Variants in TRIM67 observed in about 807,000 individuals in gnomAD.
TRIM67 encodes tripartite motif containing 67, also known as tripartite motif-containing protein 67.
Under a neutral mutation model 71.0 loss-of-function variants are expected in TRIM67, and 39 were observed. The observed-to-expected ratio is 0.55, with a 90% CI of 0.43 to 0.72. TRIM67 has a LOEUF of 0.72. Ranked by LOEUF, TRIM67 falls within the 30% of genes least tolerant of loss-of-function variation. The probability of loss-of-function intolerance (pLI) is 0.00; values close to 1 mark genes in which losing one functional copy is unlikely to be tolerated. For synonymous variants in TRIM67, 481 were observed against 473.9 expected (o/e 1.01, Z -0.19); for missense variants, 973 against 1,079.2 (o/e 0.90, Z 1.38).
rs1683792287 is a variant in TRIM67 at position 231,209,085 on chromosome 1, G to A, written c.1958G>A (p.Trp653Ter). ...TAAFSKGVHY[W>*]ELHVDRYDNH... is the part of the protein sequence containing the mutation. ...GCGTTCTCCAAGGGCGTGCACTACTGGGAGCTGCACGTGGACCGGTACGAC... is the reference window on the plus strand; with the variant it reads ...GCGTTCTCCAAGGGCGTGCACTACTAGGAGCTGCACGTGGACCGGTACGAC... The change falls in exon 8 of 10, where the codon TGG becomes TAG. Residue 653 changes from tryptophan (W) to a stop codon, truncating the protein, a stop_gained. Transcript: ENST00000366653. LOFTEE classifies it high-confidence loss of function. The surrounding 1 kb of genome is among the most constrained non-coding windows in gnomAD (Gnocchi z 4.1). 1 of 1,614,006 alleles carries A rather than the reference G, an allele frequency of 6.2e-7. No individual in the cohort carries two copies. The highest frequency in any genetic ancestry group is 8.5e-7 in the Non-Finnish European group (1 of 1,179,884).
At chr1:231,183,492 C>T (rs535699292) in intron 1 of TRIM67, among the ~76,000 whole-genome samples, 1 of 152,218 alleles carries the variant, frequency 6.6e-6, no homozygotes, top group Non-Finnish European at 1.5e-5. Context: ...ACGTGCCCAA[C>T]ATCCTAGTTA....
At chr1:231,187,195 A>C (rs1266616733) in intron 1 of TRIM67, among the ~76,000 whole-genome samples, 4 of 152,152 alleles carry the variant, frequency 2.6e-5, no homozygotes, top group African/African-American at 9.7e-5. Flanking sequence ...TTTAAGCAAC[A>C]AGGGGCAAGA....
chr1:231,167,319 C>CTTTTTTTTTTTTTT (rs1159766852), intron 1 of TRIM67, among the ~76,000 whole-genome samples: 12 of 51,842 alleles, frequency 2.3e-4, no homozygotes, highest in Non-Finnish European at 3.7e-4. Flanking sequence ...ACTCTAATGT[C>CTTTTTTTTTTTTTT]TTTTTTTTTT....
In TRIM67 at chr1:231,221,549, A is replaced by T. The variant is rs1684137795; in HGVS notation, c.*6109A>T. 6.6e-6 allele frequency: 1 copy of T among 152,640 alleles called. No individual in the cohort carries two copies. 9.5% of individuals were successfully genotyped at this position (152,640 alleles called of 1,614,324 possible). Reference sequence around the variant, plus strand: ...CAGATTTGAAATAAATTCTTTTGACACTGCCAACAACAGAAAGACAAGATG... The same window carrying T: ...CAGATTTGAAATAAATTCTTTTGACTCTGCCAACAACAGAAAGACAAGATG... On this transcript the variant is annotated 3_prime_UTR_variant, in exon 10 of 10. Transcript: ENST00000366653.
chr1:231,209,144 G>A lies in TRIM67; in HGVS notation c.2017G>A (p.Ala673Thr). The change falls in exon 8 of 10, where the codon GCC becomes ACC. Residue 673 changes from alanine (A) to threonine (T), a missense_variant. Physicochemically the swap from Ala to Thr is moderately conservative, Grantham distance 58 (BLOSUM62 0). Around this residue, in one of 2 missense-constraint regions of TRIM67, gnomAD observed 178 missense variants for 247.9 expected, o/e 0.72. Coordinates refer to ENST00000366653, the MANE Select transcript of TRIM67 (RefSeq NM_001004342.5). This position sits in a 1 kb window ranked among gnomAD's most constrained non-coding sequence, Gnocchi z 4.1. The stretch of plus-strand genomic sequence containing the variant: ...AGACCCCGCCTTCGGGGTGGCCAGG[G>A]CCAGCGTGGTCAAGGACATGATGCT... ...HPDPAFGVAR[A>T]SVVKDMMLGK... is the part of the protein sequence containing the mutation. 6.2e-7 allele frequency: 1 copy of A among 1,613,870 alleles called. No homozygotes were observed. The highest frequency in any genetic ancestry group is 1.1e-5 in the South Asian group (1 of 91,072).
intron 1 of TRIM67, chr1:231,187,759 C>A (rs1315115179): frequency 1.7e-6 from 1 of 589,126 alleles, no homozygotes; most frequent in African/African-American, 1.9e-5. Flanking sequence ...GGACAGCGGG[C>A]AAGCTCTCTC....
Position 231,189,031 on chromosome 1 carries a change from A to C in TRIM67, c.1045-8340A>C, listed in dbSNP as rs1173840032. 2.0e-5 allele frequency among the ~76,000 whole-genome samples: 3 copies of C among 152,160 alleles called. No individual in the cohort carries two copies. The East Asian group carries it at 5.8e-4, about 29-fold the overall frequency. On this transcript the variant is annotated intron_variant, in intron 1 of 9. Coordinates refer to ENST00000366653, the MANE Select transcript of TRIM67 (RefSeq NM_001004342.5). Reference sequence around the variant, plus strand: ...TGGATCTTGTCCTGAGAACTGCCTCATGGGCCCAGTACAAAGCTGACGATC... The same window carrying C: ...TGGATCTTGTCCTGAGAACTGCCTCCTGGGCCCAGTACAAAGCTGACGATC...
At chr1:231,195,776 A>T (rs1683352754) in intron 1 of TRIM67, among the ~76,000 whole-genome samples, 1 of 152,222 alleles carries the variant, frequency 6.6e-6, no homozygotes, top group Non-Finnish European at 1.5e-5. Flanking sequence ...AAACTGCATC[A>T]GAACCCCCTG....
At chr1:231,171,271 G>A (rs1682610993) in intron 1 of TRIM67, among the ~76,000 whole-genome samples, 1 of 152,180 alleles carries the variant, frequency 6.6e-6, no homozygotes. Context: ...GCCCAGAGAT[G>A]GGCAGGAATC....
chr1:231,164,865 T>C (rs1300395983), intron 1 of TRIM67, among the ~76,000 whole-genome samples: 4 of 152,260 alleles, frequency 2.6e-5, no homozygotes, highest in African/African-American at 7.2e-5. Context: ...GTTGTTCATA[T>C]ATAGTTACTC....
rs1266256366 is a variant in TRIM67, at chr1:231,219,024, C to T, written c.*3584C>T. On this transcript the variant is annotated 3_prime_UTR_variant, in exon 10 of 10. Coordinates refer to ENST00000366653, the MANE Select transcript of TRIM67 (RefSeq NM_001004342.5). The stretch of plus-strand genomic sequence containing the variant: ...TTGGTCCCCCTGGGAAGGCGGGTTT[C>T]GGCACCGGTGGGCAGGTGGTTCAGT... The T allele has an allele frequency of 2.1e-5, 21 of 985,356 alleles. No individual in the cohort carries two copies. Among genetic ancestry groups the T allele is most frequent in the Non-Finnish European group, 2.5e-5 (21 of 829,986 alleles). 61.0% of individuals were successfully genotyped at this position (985,356 alleles called of 1,614,324 possible).
rs1023892038 is a variant in TRIM67 at position 231,162,744 on chromosome 1, G to C, written c.-226G>C. 9 of 570,748 alleles carry C rather than the reference G, an allele frequency of 1.6e-5. No individual in the cohort carries two copies. In the African/African-American group the frequency reaches 1.6e-4, roughly 10 times the overall value. 35.4% of individuals were successfully genotyped at this position (570,748 alleles called of 1,614,324 possible). A position where few individuals can be genotyped will look rare whatever the true frequency, so the allele number is the denominator to read the frequency against. ...TGAAGCCGCTGGTGCGGGACCCTCG[G>C]GCAGGAGGTGAGGACCCCCTCCCTT... On this transcript the variant is annotated 5_prime_UTR_variant, in exon 1 of 10. Transcript: ENST00000366653.
At chr1:231,192,537 TC>T (rs986680961) in intron 1 of TRIM67, among the ~76,000 whole-genome samples, 8 of 152,214 alleles carry the variant, frequency 5.3e-5, no homozygotes, top group African/African-American at 1.9e-4. Flanking sequence ...TTGCTCTTTT[TC>T]CACTAGAATT....
intron 8 of TRIM67, among the ~76,000 whole-genome samples, chr1:231,212,079 G>A (rs767572630): frequency 2.4e-4 from 37 of 152,170 alleles, no homozygotes; most frequent in Non-Finnish European, 4.4e-5. Flanking sequence ...TAACGAGCTC[G>A]ATTAACTTTT....
intron 8 of TRIM67, among the ~76,000 whole-genome samples, chr1:231,210,529 TCC>T (rs551132615): frequency 1.5e-3 from 224 of 150,896 alleles, no homozygotes; most frequent in South Asian, 3.2e-3. Flanking sequence ...CCACTCTCCC[TCC>T]CACCCACAGA....
At chr1:231,203,449 A>C (rs1022934190) in intron 5 of TRIM67, among the ~76,000 whole-genome samples, 1 of 152,152 alleles carries the variant, frequency 6.6e-6, no homozygotes, top group South Asian at 2.1e-4. Context: ...GGCCCTGCGG[A>C]GAGGATCCCT....
In TRIM67 at chr1:231,207,046, G is replaced by C. The variant is rs190553810; in HGVS notation, c.1819+256G>C. 1.4e-3 allele frequency among the ~76,000 whole-genome samples: 214 copies of C among 152,274 alleles called. 3 individuals are homozygous for C. Among genetic ancestry groups the C allele is most frequent in the Admixed American group, 1.8e-3 (28 of 15,304 alleles). ...GAGCTGCTGAAGATGGGGGAGGGAGGAAGTGCAGGGCCGGAGGGGCCGGTT... is the reference window on the plus strand; with the variant it reads ...GAGCTGCTGAAGATGGGGGAGGGAGCAAGTGCAGGGCCGGAGGGGCCGGTT... On this transcript the variant is annotated intron_variant, in intron 7 of 9. Transcript: ENST00000366653.
Position 231,189,521 on chromosome 1 carries a change from T to C in TRIM67, c.1045-7850T>C, listed in dbSNP as rs143949467. 1.4e-3 allele frequency among the ~76,000 whole-genome samples: 220 copies of C among 152,278 alleles called. 1 individual carries two copies. Among genetic ancestry groups the C allele is most frequent in the African/African-American group, 5.1e-3 (211 of 41,556 alleles). ...AGATGAGGATGGAAGCAAGATGTCT[T>C]AGTCTTCAGGATGCTATAACAAAAT... On this transcript the variant is annotated intron_variant, in intron 1 of 9. Coordinates refer to ENST00000366653, the MANE Select transcript of TRIM67 (RefSeq NM_001004342.5).
At chr1:231,174,081 C>T (rs1682679755) in intron 1 of TRIM67, among the ~76,000 whole-genome samples, 1 of 151,908 alleles carries the variant, frequency 6.6e-6, no homozygotes, top group Non-Finnish European at 1.5e-5. Flanking sequence ...TCCAATAACA[C>T]ATATATTAGA....
Sources: gnomAD v4.1 joint callset for allele counts (sites outside exome capture counted in the v4.1 genomes callset) on GRCh38, gnomAD v4.1.1 for gene constraint, gnomAD v4.1.1 regional missense constraint, Gnocchi (gnomAD v3.1) non-coding constraint, MANE v1.5 for transcripts, NCBI Gene and HGNC (gene_info 2026-07-23, HGNC 2026-07-21) for gene names.